LIMK2: variants seen among roughly 807,000 people sequenced by gnomAD.
The protein encoded by LIMK2 is LIM domain kinase 2.
Under a neutral mutation model 75.7 loss-of-function variants are expected in LIMK2, and 35 were observed. That is an observed-to-expected ratio of 0.46 (90% CI 0.35 to 0.61). The LOEUF is 0.61. Ranked by LOEUF, LIMK2 falls within the 20% of genes least tolerant of loss-of-function variation. The pLI, the probability that LIMK2 is intolerant of heterozygous loss-of-function variation, is 0.00. For missense variants in LIMK2, 623 were observed against 831.0 expected (o/e 0.75, Z 3.08); for synonymous variants, 301 against 319.2 (o/e 0.94, Z 0.61).
At chr22:31,247,986 C>T (rs1161107344) in intron 2 of LIMK2, among the ~76,000 whole-genome samples, 1 of 151,496 alleles carries the variant, frequency 6.6e-6, no homozygotes, top group Non-Finnish European at 1.5e-5. Flanking sequence ...CTCTCTGGAC[C>T]TGTCTCTCCT....
At chr22:31,276,791 C>CA (rs760793582) in intron 15 of LIMK2, 4 of 1,558,530 alleles carry the variant, frequency 2.6e-6, no homozygotes, top group East Asian at 4.6e-5. Context: ...ACTTTCAGAG[C>CA]CCCCCCCGGG....
chr22:31,240,610 G>C (rs1385864874), intron 2 of LIMK2, among the ~76,000 whole-genome samples: 1 of 152,030 alleles, frequency 6.6e-6, no homozygotes, highest in Non-Finnish European at 1.5e-5. Context: ...TTTTAGTAGA[G>C]ACGGGGTTTC....
rs765469850 is a variant in LIMK2, at chr22:31,260,054, C to T, written c.528C>T (p.Tyr176=). Residue 176 remains tyrosine (Y), a synonymous_variant, in exon 5 of 16, where the codon TAC becomes TAT. Transcript: ENST00000331728. ...CCGTGGAGAGTGCCTGCTCCAACTA[C>T]GCCACCACTGTGCAAGTGAAAGAGT... is the stretch of plus-strand genomic sequence containing the variant. ...SVSVESACSN[Y]ATTVQVKEVN... 11 of 1,592,202 alleles carry T rather than the reference C, an allele frequency of 6.9e-6. No individual in the cohort carries two copies. Among genetic ancestry groups the T allele is most frequent in the Middle Eastern group, 1.7e-4 (1 of 6,012 alleles).
At chr22:31,272,383 T>G in intron 12 of LIMK2, 147 bp from the exon 13 acceptor site, 1 of 714,222 alleles carries the variant, frequency 1.4e-6, no homozygotes, top group African/African-American at 1.8e-5. Flanking sequence ...CCTGAGTGTG[T>G]CTATTTGATA....
At chr22:31,212,461 C>A in intron 1 of LIMK2, 37 bp downstream of exon 1, 1 of 1,316,496 alleles carries the variant, frequency 7.6e-7, no homozygotes, top group Non-Finnish European at 9.8e-7. Flanking sequence ...CCGCTGTTAT[C>A]TCCGAAGTCC....
At chr22:31,231,842 G>A (rs2048531537) in intron 2 of LIMK2, among the ~76,000 whole-genome samples, 1 of 151,916 alleles carries the variant, frequency 6.6e-6, no homozygotes, top group South Asian at 2.1e-4. Context: ...TTTGAGACAG[G>A]GTCTTGCTCT....
intron 7 of LIMK2, among the ~76,000 whole-genome samples, chr22:31,265,191 C>CAAAAAAAA (rs35356989): frequency 2.9e-5 from 1 of 34,524 alleles, no homozygotes; most frequent in African/African-American, 1.4e-4. Flanking sequence ...GAGACTCCAT[C>CAAAAAAAA]AAAAAAAAAA....
intron 12 of LIMK2, 100 bp from the exon 13 acceptor site, chr22:31,272,430 T>G: frequency 8.7e-7 from 1 of 1,144,162 alleles, no homozygotes. Context: ...CTATACACCT[T>G]TTCTCCCCTT....
At chr22:31,244,041 C>T (rs2048645439) in intron 2 of LIMK2, among the ~76,000 whole-genome samples, 1 of 152,206 alleles carries the variant, frequency 6.6e-6, no homozygotes, top group African/African-American at 2.4e-5. Flanking sequence ...GTTCCTCTTC[C>T]AGGGGGAGGC....
intron 14 of LIMK2, among the ~76,000 whole-genome samples, chr22:31,274,615 G>A (rs1035174299): frequency 5.3e-5 from 8 of 152,162 alleles, no homozygotes; most frequent in African/African-American, 1.9e-4. Context: ...TGGCCAGGCT[G>A]GTCTCAAATG....
At chr22:31,240,270 G>A (rs2048613276) in intron 2 of LIMK2, among the ~76,000 whole-genome samples, 1 of 152,158 alleles carries the variant, frequency 6.6e-6, no homozygotes, top group South Asian at 2.1e-4. Context: ...AGATTTTGCT[G>A]AGATCAGAGG....
intron 2 of LIMK2, chr22:31,248,491 GGAGCC>G (rs1479153056): frequency 1.3e-6 from 2 of 1,532,744 alleles, no homozygotes; most frequent in Non-Finnish European, 1.7e-6. Flanking sequence ...GAACTAGGGA[GGAGCC>G]ATCCCAGCCA....
chr22:31,258,514 G>A, intron 3 of LIMK2, 88 bp downstream of exon 3: 1 of 1,383,970 alleles, frequency 7.2e-7, no homozygotes, highest in Non-Finnish European at 1.0e-6. Context: ...TAATCTTTTA[G>A]TCTTTCCATC....
At chr22:31,266,494 CCT>C (rs1242447877) in intron 8 of LIMK2, among the ~76,000 whole-genome samples, 1 of 152,102 alleles carries the variant, frequency 6.6e-6, no homozygotes, top group African/African-American at 2.4e-5. Context: ...CAGGGACTAA[CCT>C]CTCTCTTTCT....
intron 8 of LIMK2, 88 bp from the exon 9 acceptor site, chr22:31,266,896 A>G (rs1453170492): frequency 1.1e-6 from 1 of 887,060 alleles, no homozygotes; most frequent in Non-Finnish European, 1.8e-6. Context: ...CCTCCAAGGG[A>G]TGGGATGGCC....
intron 2 of LIMK2, chr22:31,248,582 G>T: frequency 3.1e-6 from 5 of 1,607,398 alleles, no homozygotes; most frequent in Non-Finnish European, 3.4e-6. Context: ...CGGAGGGAGA[G>T]GTGAGCTCAG....
At position 31,258,220 on chromosome 22, in the gene LIMK2, G is replaced by A; in HGVS notation, c.117-71G>A. 1.2e-5 allele frequency: 18 copies of A among 1,484,906 alleles called. No individual in the cohort carries two copies. The South Asian group carries it at 2.4e-4, about 20-fold the overall frequency. 92.0% of individuals were successfully genotyped at this position (1,484,906 alleles called of 1,614,324 possible). A position where few individuals can be genotyped will look rare whatever the true frequency, so the allele number is the denominator to read the frequency against. On this transcript the variant is annotated intron_variant, in intron 2 of 15. Coordinates refer to ENST00000331728, the MANE Select transcript of LIMK2 (RefSeq NM_005569.4). ...CTGTCCATTTTGTTGTCATACCTAG[G>A]AACCAGGGACAGCTTATGTGGCCTG... is the stretch of plus-strand genomic sequence containing the variant.
intron 2 of LIMK2, among the ~76,000 whole-genome samples, chr22:31,251,587 G>A (rs1050261100): frequency 6.6e-6 from 1 of 152,152 alleles, no homozygotes. Flanking sequence ...CTGGTTTTTG[G>A]TTGGAACTGA....
In LIMK2 at chr22:31,278,377, A is replaced by G. The variant is rs750250899; in HGVS notation, c.1853A>G (p.Glu618Gly). The change falls in exon 16 of 16, where the codon GAG (glutamate) becomes GGG (glycine). Residue 618 changes from glutamate to glycine, a missense_variant. Transcript: ENST00000331728. ...LGELGIPLPAELEELDHTVSM... is the reference protein window; with the variant it reads ...LGELGIPLPAGLEELDHTVSM... Reference sequence around the variant, plus strand: ...GAGCTGGGCATCCCGCTGCCTGCAGAGCTGGAGGAGTTGGACCACACTGTG... The same window carrying G: ...GAGCTGGGCATCCCGCTGCCTGCAGGGCTGGAGGAGTTGGACCACACTGTG... 1 of 1,613,896 alleles carries G rather than the reference A, an allele frequency of 6.2e-7. No homozygotes were observed. The highest frequency in any genetic ancestry group is 2.2e-5 in the East Asian group (1 of 44,874).
Sources: gnomAD v4.1 joint callset for allele counts (sites outside exome capture counted in the v4.1 genomes callset) on GRCh38, gnomAD v4.1.1 for gene constraint, MANE v1.5 for transcripts, NCBI Gene and HGNC (gene_info 2026-07-23, HGNC 2026-07-21) for gene names.